The following MAP2K5 variants were observed in gnomAD, a reference collection of about 807,000 sequenced individuals.
The protein encoded by MAP2K5 is mitogen-activated protein kinase kinase 5.
MAP2K5 carries 49 observed loss-of-function variants against 83.1 expected under a neutral mutation model. The ratio of observed to expected loss-of-function variants is 0.59; its 90% CI spans 0.47 to 0.75. The LOEUF is 0.75. MAP2K5 is among the 30% of genes least tolerant of loss of function. The probability of loss-of-function intolerance (pLI) is 0.00; values close to 1 mark genes in which losing one functional copy is unlikely to be tolerated. For missense variants in MAP2K5, 457 were observed against 557.5 expected (o/e 0.82, Z 1.82); for synonymous variants, 202 against 191.8 (o/e 1.05, Z -0.44).
intron 13 of MAP2K5, among the ~76,000 whole-genome samples, chr15:67,666,964 C>T (rs2087396080): frequency 1.3e-5 from 2 of 152,304 alleles, no homozygotes; most frequent in South Asian, 2.1e-4. Context: ...TGTGGTAATA[C>T]ACCTCATTAA....
intron 13 of MAP2K5, among the ~76,000 whole-genome samples, chr15:67,678,851 C>G (rs867545343): frequency 6.6e-6 from 1 of 151,234 alleles, no homozygotes; most frequent in Non-Finnish European, 1.5e-5. Context: ...GTAGTCCCAG[C>G]TACTCAGGAG....
rs573687950 is a variant in MAP2K5, at chr15:67,779,354, G to T, written c.1242+6602G>T. Among the ~76,000 whole-genome samples the T allele has an allele frequency of 3.9e-5, 6 of 152,262 alleles. No homozygotes were observed. The highest frequency in any genetic ancestry group is 1.4e-4 in the African/African-American group (6 of 41,538). ...AATCACTGTCTGGATACTTGAGATC[G>T]CACTAAATCAGACAGCTTTAATTTG... On this transcript the variant is annotated intron_variant, in intron 21 of 21. Transcript: ENST00000178640. The surrounding 1 kb of genome is among the most constrained non-coding windows in gnomAD (Gnocchi z 4.6).
chr15:67,686,414 C>A (rs576484741), intron 13 of MAP2K5, among the ~76,000 whole-genome samples: 49 of 152,020 alleles, frequency 3.2e-4, no homozygotes, highest in African/African-American at 1.2e-3. Flanking sequence ...CGAGACCAGC[C>A]TGGGCAACAT....
In MAP2K5 at chr15:67,778,806, G is replaced by A. The variant is rs188182215; in HGVS notation, c.1242+6054G>A. Among the ~76,000 whole-genome samples the A allele has an allele frequency of 2.1e-3, 315 of 152,266 alleles. 4 individuals are homozygous for A. The highest frequency in any genetic ancestry group is 7.3e-3 in the African/African-American group (305 of 41,544). On this transcript the variant is annotated intron_variant, in intron 21 of 21. Coordinates refer to ENST00000178640, the MANE Select transcript of MAP2K5 (RefSeq NM_145160.3). This position sits in a 1 kb window ranked among gnomAD's most constrained non-coding sequence, Gnocchi z 5.0. ...TTACTTTGATCCGGGGCTTACCTGTGCCCTGAGCGCAAATATGAAGAAAGG... is the reference window on the plus strand; with the variant it reads ...TTACTTTGATCCGGGGCTTACCTGTACCCTGAGCGCAAATATGAAGAAAGG...
At chr15:67,654,938 G>A (rs1458823839) in intron 11 of MAP2K5, among the ~76,000 whole-genome samples, 4 of 151,858 alleles carry the variant, frequency 2.6e-5, no homozygotes, top group African/African-American at 7.3e-5. Flanking sequence ...AGTGGTGCAT[G>A]CCTGTAATCC....
At chr15:67,566,918 A>G (rs1396897752) in intron 3 of MAP2K5, among the ~76,000 whole-genome samples, 5 of 152,220 alleles carry the variant, frequency 3.3e-5, no homozygotes, top group African/African-American at 4.8e-5. Flanking sequence ...CACGTGGAAT[A>G]TTGTATTATG....
At chr15:67,804,314 G>GT in intron 21 of MAP2K5, among the ~76,000 whole-genome samples, 1 of 152,350 alleles carries the variant, frequency 6.6e-6, no homozygotes, top group Middle Eastern at 3.4e-3. Context: ...GATTCTCCCT[G>GT]TCAGGCAACC....
chr15:67,684,038 G>T lies in MAP2K5; in HGVS notation c.848-8441G>T, dbSNP rs370396731. Reference sequence around the variant, plus strand: ...TGAAAAGACAGAATTTGGAGTTCAAGGAGACCAAAATGGCTAGAATTCACA... The same window carrying T: ...TGAAAAGACAGAATTTGGAGTTCAATGAGACCAAAATGGCTAGAATTCACA... On this transcript the variant is annotated intron_variant, in intron 13 of 21. Transcript: ENST00000178640. 7.2e-5 allele frequency among the ~76,000 whole-genome samples: 11 copies of T among 152,294 alleles called. No homozygotes were observed. The East Asian group carries it at 1.7e-3, about 24-fold the overall frequency.
intron 21 of MAP2K5, among the ~76,000 whole-genome samples, chr15:67,773,520 T>C (rs991159503): frequency 2.0e-5 from 3 of 152,204 alleles, no homozygotes; most frequent in Admixed American, 6.5e-5. Context: ...CTTTAAACAA[T>C]ATGCATTTTA....
At chr15:67,620,791 G>C (rs1201523144) in intron 8 of MAP2K5, among the ~76,000 whole-genome samples, 2 of 152,040 alleles carry the variant, frequency 1.3e-5, no homozygotes, top group Non-Finnish European at 2.9e-5. Context: ...TGTTAAGTCA[G>C]GTATGATTGT....
chr15:67,671,270 A>T (rs1470397650), intron 13 of MAP2K5, among the ~76,000 whole-genome samples: 2 of 152,200 alleles, frequency 1.3e-5, no homozygotes, highest in East Asian at 3.9e-4. Flanking sequence ...GAGAATTTCC[A>T]AGAGTAGATT....
chr15:67,767,625 C>G (rs541011743), intron 19 of MAP2K5, among the ~76,000 whole-genome samples: 4 of 152,138 alleles, frequency 2.6e-5, no homozygotes, highest in Non-Finnish European at 5.9e-5. Context: ...ATCTTACAGG[C>G]TTGGTGATAT....
chr15:67,615,196 C>G (rs925678425), intron 8 of MAP2K5, among the ~76,000 whole-genome samples: 1 of 152,098 alleles, frequency 6.6e-6, no homozygotes, highest in African/African-American at 2.4e-5. Context: ...CAGGGTTTCA[C>G]CATGTTGGCC....
intron 2 of MAP2K5, among the ~76,000 whole-genome samples, chr15:67,553,883 G>A (rs1408993564): frequency 4.2e-5 from 5 of 118,548 alleles, no homozygotes; most frequent in Admixed American, 2.4e-4. Context: ...ACTGCAGTCC[G>A]CAGTCCGGCC....
intron 3 of MAP2K5, among the ~76,000 whole-genome samples, chr15:67,569,874 G>A (rs1335892355): frequency 1.3e-5 from 2 of 152,214 alleles, no homozygotes; most frequent in African/African-American, 2.4e-5. Flanking sequence ...ATAACAAAAT[G>A]TCTCATTTGG....
chr15:67,798,724 A>G lies in MAP2K5; in HGVS notation c.1243-7922A>G, dbSNP rs949803820. 6.6e-5 allele frequency among the ~76,000 whole-genome samples: 10 copies of G among 152,206 alleles called. 1 individual carries two copies. Among genetic ancestry groups the G allele is most frequent in the Admixed American group, 3.9e-4 (6 of 15,288 alleles). On this transcript the variant is annotated intron_variant, in intron 21 of 21. Coordinates refer to ENST00000178640, the MANE Select transcript of MAP2K5 (RefSeq NM_145160.3). ...TGCTAATAATTGAATATTTGGGGAA[A>G]AACATCTATTTCTATAGCAATTATG...
chr15:67,785,699 G>A lies in MAP2K5; in HGVS notation c.1242+12947G>A, dbSNP rs1486029692. 2.0e-5 allele frequency among the ~76,000 whole-genome samples: 3 copies of A among 152,208 alleles called. No homozygotes were observed. ...ATGACCTCGCTCATCCTATGACCTT[G>A]ATGGAAGGAGGGGAAAGGTAGAAGG... On this transcript the variant is annotated intron_variant, in intron 21 of 21. Transcript: ENST00000178640. This position sits in a 1 kb window ranked among gnomAD's most constrained non-coding sequence, Gnocchi z 4.4.
At chr15:67,634,409 A>AAAAAAAAAAAAAAAAG (rs1872912766) in intron 9 of MAP2K5, among the ~76,000 whole-genome samples, 1 of 132,752 alleles carries the variant, frequency 7.5e-6, no homozygotes, top group African/African-American at 2.9e-5. Context: ...AAAAAAAAAA[A>AAAAAAAAAAAAAAAAG]GAATGTATAA....
chr15:67,608,185 C>T (rs2085823007), intron 8 of MAP2K5, among the ~76,000 whole-genome samples: 1 of 152,098 alleles, frequency 6.6e-6, no homozygotes, highest in Non-Finnish European at 1.5e-5. Flanking sequence ...CCTGCCACAC[C>T]AAGAAGGCAT....
Sources: gnomAD v4.1 joint callset for allele counts (sites outside exome capture counted in the v4.1 genomes callset) on GRCh38, gnomAD v4.1.1 for gene constraint, Gnocchi (gnomAD v3.1) non-coding constraint, MANE v1.5 for transcripts, NCBI Gene and HGNC (gene_info 2026-07-23, HGNC 2026-07-21) for gene names.